The following NUS1 variants were observed in gnomAD, a reference collection of about 807,000 sequenced individuals.
NUS1 encodes the protein dehydrodolichyl diphosphate synthase complex subunit NUS1.
For missense variants in NUS1, 292 were observed against 382.9 expected (o/e 0.76, Z 1.98); for synonymous variants, 135 against 155.2 (o/e 0.87, Z 0.97).
intron 3 of NUS1, among the ~76,000 whole-genome samples, chr6:117,696,656 G>C (rs1773324969): frequency 6.6e-6 from 1 of 152,064 alleles, no homozygotes. Flanking sequence ...TTTTACCCTA[G>C]AATAATAGTA....
intron 3 of NUS1, among the ~76,000 whole-genome samples, chr6:117,696,057 A>G (rs1026865836): frequency 1.3e-4 from 20 of 152,010 alleles, no homozygotes; most frequent in African/African-American, 4.8e-4. Context: ...TCAGAAAGTC[A>G]GAATTCTATC....
intron 4 of NUS1, among the ~76,000 whole-genome samples, chr6:117,704,186 C>T (rs1773468987): frequency 6.6e-6 from 1 of 151,912 alleles, no homozygotes; most frequent in African/African-American, 2.4e-5. Flanking sequence ...GGTAGGCAGG[C>T]AATAGGAAAC....
Position 117,709,043 on chromosome 6 carries a change from G to A in NUS1, c.*2028G>A, listed in dbSNP as rs890086913. The A allele has an allele frequency of 3.3e-5, 5 of 152,180 alleles. No homozygotes were observed. Among genetic ancestry groups the A allele is most frequent in the Admixed American group, 2.0e-4 (3 of 15,274 alleles). 9.4% of individuals were successfully genotyped at this position (152,180 alleles called of 1,614,324 possible). A position where few individuals can be genotyped will look rare whatever the true frequency, so the allele number is the denominator to read the frequency against. On this transcript the variant is annotated 3_prime_UTR_variant, in exon 5 of 5. Transcript: ENST00000368494. The stretch of plus-strand genomic sequence containing the variant: ...TAGCCTATGATTTGAGTCTCTTGAA[G>A]TTCTAGGAAGAGGCAAACTACAAAC...
In NUS1 at chr6:117,694,187, T is replaced by G. The variant is rs1373920649; in HGVS notation, c.691+7T>G. ...ACGTTAGCCAGTTTACTTAGTAAGT[T>G]TTTTTATATATATATACATATATAT... is the stretch of plus-strand genomic sequence containing the variant. On this transcript the variant is annotated splice_region_variant and intron_variant, in intron 3 of 4. Transcript: ENST00000368494. The G allele has an allele frequency of 5.9e-6, 9 of 1,525,186 alleles. No individual in the cohort carries two copies. The highest frequency in any genetic ancestry group is 8.1e-6 in the Non-Finnish European group (9 of 1,117,666). The allele number at this position is 1,525,186 out of a possible 1,614,324, so 94.5% of individuals were successfully genotyped here.
chr6:117,707,104 TA>T lies in NUS1; in HGVS notation c.*90del, dbSNP rs568808909. ...TTTACAAAGCACCTATGAAACCCTG[TA>T]CACACCTAGTTCATAATCCTCATAA... On this transcript the variant is annotated 3_prime_UTR_variant, in exon 5 of 5. Coordinates refer to ENST00000368494, the MANE Select transcript of NUS1 (RefSeq NM_138459.5). The T allele has an allele frequency of 1.2e-5, 13 of 1,080,650 alleles. No homozygotes were observed. In the East Asian group the frequency reaches 3.1e-4, roughly 26 times the overall value. 66.9% of individuals were successfully genotyped at this position (1,080,650 alleles called of 1,614,324 possible).
chr6:117,694,350 G>A (rs1773286112), intron 3 of NUS1, among the ~76,000 whole-genome samples, 170 bp downstream of exon 3: 1 of 152,068 alleles, frequency 6.6e-6, no homozygotes, highest in African/African-American at 2.4e-5. Context: ...AAAGACCTAT[G>A]TAAAAATGGT....
chr6:117,697,910 C>A (rs895385104), intron 3 of NUS1, among the ~76,000 whole-genome samples: 55 of 152,106 alleles, frequency 3.6e-4, no homozygotes, highest in Admixed American at 3.3e-3. Context: ...TATGTTGGGC[C>A]ACAAAACAAG....
intron 1 of NUS1, among the ~76,000 whole-genome samples, chr6:117,680,462 G>A (rs1697064434): frequency 6.6e-6 from 1 of 152,166 alleles, no homozygotes; most frequent in Non-Finnish European, 1.5e-5. Flanking sequence ...GCTTTATTGT[G>A]CCTTGCTGGG....
chr6:117,675,531 T>C lies in NUS1; in HGVS notation c.-140T>C. Reference sequence around the variant, plus strand: ...ATGGCGGCGGGGGCGAGGTGAGGTGTTGGCAGTGGAAAGGGGTTCGGGCTC... The same window carrying C: ...ATGGCGGCGGGGGCGAGGTGAGGTGCTGGCAGTGGAAAGGGGTTCGGGCTC... On this transcript the variant is annotated 5_prime_UTR_variant, in exon 1 of 5. Coordinates refer to ENST00000368494, the MANE Select transcript of NUS1 (RefSeq NM_138459.5). The C allele has an allele frequency of 1.3e-6, 1 of 792,346 alleles. No homozygotes were observed. The highest frequency in any genetic ancestry group is 2.0e-6 in the Non-Finnish European group (1 of 502,476). 49.1% of individuals were successfully genotyped at this position (792,346 alleles called of 1,614,324 possible). A position where few individuals can be genotyped will look rare whatever the true frequency, so the allele number is the denominator to read the frequency against.
intron 1 of NUS1, among the ~76,000 whole-genome samples, chr6:117,680,354 G>C (rs1177924063): frequency 1.3e-5 from 2 of 152,196 alleles, no homozygotes; most frequent in Non-Finnish European, 2.9e-5. Flanking sequence ...AGCCTTAGCA[G>C]TGTTGTTTGC....
intron 3 of NUS1, among the ~76,000 whole-genome samples, chr6:117,701,410 A>G (rs1773408873): frequency 6.6e-6 from 1 of 151,558 alleles, no homozygotes; most frequent in Non-Finnish European, 1.5e-5. Context: ...GCGCCTGGCT[A>G]ATTTTTTGCA....
At chr6:117,703,557 T>C (rs1399832466) in intron 3 of NUS1, 48 bp from the exon 4 acceptor site, 1 of 1,267,244 alleles carries the variant, frequency 7.9e-7, no homozygotes. Context: ...TGTGTGTGTG[T>C]GCACATGCAG....
intron 1 of NUS1, among the ~76,000 whole-genome samples, chr6:117,690,262 T>C (rs985065609): frequency 5.3e-5 from 8 of 152,088 alleles, no homozygotes; most frequent in African/African-American, 1.7e-4. Context: ...TAGAGTCTTA[T>C]GATTGTGGGC....
In NUS1 at chr6:117,675,692, G is replaced by C. The variant is rs778592524; in HGVS notation, c.22G>C (p.Val8Leu). ...GAGTATGACGGGGCTGTACGAGCTG[G>C]TGTGGCGGGTGCTGCACGCGCTGCT... MTGLYEL[V>L]WRVLHALLCL... Residue 8 changes from valine to leucine, a missense_variant, in exon 1 of 5, where the codon GTG becomes CTG. Physicochemically the swap from Val to Leu is conservative, Grantham distance 32. Transcript: ENST00000368494. 2.1e-5 allele frequency: 31 copies of C among 1,495,562 alleles called. No homozygotes were observed. Among genetic ancestry groups the C allele is most frequent in the Non-Finnish European group, 2.6e-5 (29 of 1,111,446 alleles). 92.6% of individuals were successfully genotyped at this position (1,495,562 alleles called of 1,614,324 possible). A position where few individuals can be genotyped will look rare whatever the true frequency, so the allele number is the denominator to read the frequency against.
chr6:117,692,033 A>T (rs1773230055), intron 1 of NUS1, among the ~76,000 whole-genome samples: 1 of 152,104 alleles, frequency 6.6e-6, no homozygotes, highest in African/African-American at 2.4e-5. Context: ...ATTTGTAGGG[A>T]TATTGAAATG....
intron 3 of NUS1, among the ~76,000 whole-genome samples, chr6:117,698,943 A>G (rs1476541728): frequency 1.3e-5 from 2 of 152,312 alleles, no homozygotes; most frequent in East Asian, 3.9e-4. Flanking sequence ...GAAGCATTTG[A>G]TAAAATTAAA....
At chr6:117,681,190 A>G (rs1273102307) in intron 1 of NUS1, among the ~76,000 whole-genome samples, 1 of 152,124 alleles carries the variant, frequency 6.6e-6, no homozygotes, top group African/African-American at 2.4e-5. Flanking sequence ...ATCTTACTAT[A>G]TCTCTGAATC....
chr6:117,692,081 G>A (rs1403315725), intron 1 of NUS1, among the ~76,000 whole-genome samples: 2 of 152,050 alleles, frequency 1.3e-5, no homozygotes, highest in Admixed American at 6.5e-5. Context: ...GTTCTATGGG[G>A]TGAGGAAAGA....
chr6:117,686,384 T>G (rs1364799788), intron 1 of NUS1, among the ~76,000 whole-genome samples: 2 of 152,142 alleles, frequency 1.3e-5, no homozygotes. Flanking sequence ...TATAGTGGAG[T>G]TTAGTATTGT....
Sources: gnomAD v4.1 joint callset for allele counts (sites outside exome capture counted in the v4.1 genomes callset) on GRCh38, gnomAD v4.1.1 for gene constraint, MANE v1.5 for transcripts, NCBI Gene and HGNC (gene_info 2026-07-23, HGNC 2026-07-21) for gene names.